The following MAPT variants were observed in gnomAD, a reference collection of about 807,000 sequenced individuals.
The protein encoded by MAPT is microtubule associated protein tau.
In MAPT, 34 loss-of-function variants were observed where a neutral mutation model predicts 67.9. That is an observed-to-expected ratio of 0.50 (90% CI 0.38 to 0.67). MAPT has a LOEUF of 0.67. Ranked by LOEUF, MAPT falls within the 30% of genes least tolerant of loss-of-function variation. MAPT has a pLI of 0.00. For synonymous variants in MAPT, 456 were observed against 464.5 expected, an observed-to-expected ratio of 0.98 and a Z score of 0.23; for missense variants, 881 against 1,115.2, an observed-to-expected ratio of 0.79 and a Z score of 2.99.
At chr17:45,968,973 G>A (rs942175087) in intron 2 of MAPT, among the ~76,000 whole-genome samples, 7 of 152,220 alleles carry the variant, frequency 4.6e-5, no homozygotes, top group African/African-American at 9.7e-5. Flanking sequence ...AGAGAGGTTA[G>A]GTAATTCGCT....
intron 9 of MAPT, among the ~76,000 whole-genome samples, chr17:46,007,703 G>T: frequency 6.6e-6 from 1 of 152,132 alleles, no homozygotes; most frequent in East Asian, 1.9e-4. Flanking sequence ...CAGCAATGTG[G>T]TGAGGCTGGC....
intron 1 of MAPT, among the ~76,000 whole-genome samples, chr17:45,923,535 A>G (rs1411726340): frequency 6.6e-6 from 1 of 152,204 alleles, no homozygotes; most frequent in Non-Finnish European, 1.5e-5. Flanking sequence ...TCCTCCCATA[A>G]AAGATAATCA....
At chr17:45,946,226 G>A (rs7212470) in intron 1 of MAPT, among the ~76,000 whole-genome samples, 1,848 of 152,132 alleles carry the variant, frequency 0.012, 38 homozygotes, top group African/African-American at 0.042. Flanking sequence ...AGGGGCATTC[G>A]TGGACACAGG....
At chr17:46,011,430 G>A (rs961633867) in intron 10 of MAPT, among the ~76,000 whole-genome samples, 5 of 152,126 alleles carry the variant, frequency 3.3e-5, no homozygotes, top group Non-Finnish European at 7.4e-5. Flanking sequence ...AAAATAAATA[G>A]ATTTGGCTTC....
At chr17:45,977,173 C>T (rs920616703) in intron 3 of MAPT, 1 of 152,374 alleles carries the variant, frequency 6.6e-6, no homozygotes, top group African/African-American at 2.4e-5. Context: ...CCCATGCCCT[C>T]AGCAGCTGCC....
intron 1 of MAPT, among the ~76,000 whole-genome samples, chr17:45,902,109 C>G (rs765585287): frequency 1.3e-5 from 2 of 152,100 alleles, no homozygotes; most frequent in Non-Finnish European, 1.5e-5. Context: ...GAGTCTCGCT[C>G]TATCGCCCAG....
intron 1 of MAPT, among the ~76,000 whole-genome samples, chr17:45,958,443 G>A (rs2069980126): frequency 6.6e-6 from 1 of 152,190 alleles, no homozygotes; most frequent in Non-Finnish European, 1.5e-5. Context: ...AGAGTGGGTC[G>A]GCGCGGCGGC....
chr17:45,968,980 C>T (rs534917669), intron 2 of MAPT, among the ~76,000 whole-genome samples: 7 of 152,206 alleles, frequency 4.6e-5, no homozygotes, highest in Non-Finnish European at 7.3e-5. Flanking sequence ...TTAGGTAATT[C>T]GCTCAGCCTC....
chr17:45,960,906 G>A (rs570754600), intron 1 of MAPT, among the ~76,000 whole-genome samples: 17 of 151,908 alleles, frequency 1.1e-4, no homozygotes, highest in Middle Eastern at 6.8e-3. Flanking sequence ...ATATGCAAAT[G>A]TGTAAGAAAA....
intron 12 of MAPT, among the ~76,000 whole-genome samples, chr17:46,023,665 C>T (rs903208722): frequency 6.6e-6 from 1 of 152,142 alleles, no homozygotes; most frequent in African/African-American, 2.4e-5. Context: ...CATAGCAAAA[C>T]CCCGTTTCTA....
chr17:46,023,530 T>C (rs961717975), intron 12 of MAPT, among the ~76,000 whole-genome samples: 2 of 152,044 alleles, frequency 1.3e-5, no homozygotes, highest in African/African-American at 2.4e-5. Context: ...GTATTACCAA[T>C]TGGAAGACAA....
In MAPT at chr17:45,991,546, A is replaced by G. The variant is rs200154181; in HGVS notation, c.1692A>G (p.Pro564=). 1 of 1,614,200 alleles carries G rather than the reference A, an allele frequency of 6.2e-7. No homozygotes were observed. The highest frequency in any genetic ancestry group is 2.2e-5 in the East Asian group (1 of 44,878). Residue 564 remains proline, a synonymous_variant, in exon 8 of 13, where the codon CCA becomes CCG. Coordinates refer to ENST00000262410, the MANE Select transcript of MAPT (RefSeq NM_001377265.1). The part of the protein sequence containing the change: ...QKGQANATRI[P]AKTPPAPKTP... ...GCCAGGCCAACGCCACCAGGATTCC[A>G]GCAAAAACCCCGCCCGCTCCAAAGA...
intron 1 of MAPT, among the ~76,000 whole-genome samples, chr17:45,930,420 A>AG (rs2066742280): frequency 6.6e-6 from 1 of 151,468 alleles, no homozygotes; most frequent in Non-Finnish European, 1.5e-5. Context: ...AAAAAAAAAA[A>AG]AAAAGAAAAG....
intron 1 of MAPT, among the ~76,000 whole-genome samples, chr17:45,955,978 T>C (rs1268357974): frequency 6.6e-6 from 1 of 152,176 alleles, no homozygotes; most frequent in Non-Finnish European, 1.5e-5. Context: ...TCAGGTGATC[T>C]GCCTGCCTTG....
At chr17:45,933,968 G>A (rs2067101580) in intron 1 of MAPT, among the ~76,000 whole-genome samples, 1 of 151,402 alleles carries the variant, frequency 6.6e-6, no homozygotes, top group South Asian at 2.1e-4. Flanking sequence ...TTAGAAGAAT[G>A]ATATCATCAT....
At chr17:45,944,589 G>A (rs1298340739) in intron 1 of MAPT, among the ~76,000 whole-genome samples, 3 of 152,214 alleles carry the variant, frequency 2.0e-5, no homozygotes, top group Non-Finnish European at 2.9e-5. Flanking sequence ...CTTTGGGCCC[G>A]GGTCGGGGTA....
chr17:45,960,441 C>T (rs915420596), intron 1 of MAPT, among the ~76,000 whole-genome samples: 4 of 152,202 alleles, frequency 2.6e-5, no homozygotes, highest in East Asian at 1.9e-4. Context: ...TGGCATGTGC[C>T]GCCTGTCCTG....
chr17:45,900,715 G>A (rs1485985322), intron 1 of MAPT, among the ~76,000 whole-genome samples: 2 of 152,176 alleles, frequency 1.3e-5, no homozygotes, highest in Non-Finnish European at 1.5e-5. Flanking sequence ...TGGCCTAATG[G>A]TTAAGGAGGT....
At position 45,991,585 on chromosome 17, in the gene MAPT, T is replaced by C; in HGVS notation, c.1731T>C (p.Ser577=). Residue 577 remains serine (S), a splice_region_variant and synonymous_variant, in exon 8 of 13, where the codon TCT becomes TCC. Coordinates refer to ENST00000262410, the MANE Select transcript of MAPT (RefSeq NM_001377265.1). ...TPPAPKTPPS[S]GEPPKSGDRS... ...CCGCTCCAAAGACACCACCCAGCTC[T>C]GGTAAGAAGAACGTTCTCTTGAATC... 1 of 1,614,086 alleles carries C rather than the reference T, an allele frequency of 6.2e-7. No individual in the cohort carries two copies. Among genetic ancestry groups the C allele is most frequent in the South Asian group, 1.1e-5 (1 of 91,078 alleles).
Sources: gnomAD v4.1 joint callset for allele counts (sites outside exome capture counted in the v4.1 genomes callset) on GRCh38, gnomAD v4.1.1 for gene constraint, MANE v1.5 for transcripts, NCBI Gene and HGNC (gene_info 2026-07-23, HGNC 2026-07-21) for gene names.